Variants in KCNQ5 observed in about 807,000 individuals in gnomAD.
KCNQ5 encodes the protein potassium voltage-gated channel subfamily KQT member 5.
A neutral mutation model predicts 98.2 loss-of-function variants in KCNQ5; 30 were observed. The ratio of observed to expected loss-of-function variants is 0.31; its 90% confidence interval spans 0.23 to 0.41. KCNQ5 has a LOEUF of 0.41. KCNQ5 is among the 10% of genes least tolerant of loss of function. The pLI, the probability that KCNQ5 is intolerant of heterozygous loss-of-function variation, is 1.00. For synonymous variants in KCNQ5, 458 were observed against 449.4 expected, an observed-to-expected ratio of 1.02 and a Z score of -0.24; for missense variants, 835 against 1,182.5, an observed-to-expected ratio of 0.71 and a Z score of 4.31.
intron 1 of KCNQ5, among the ~76,000 whole-genome samples, chr6:72,856,482 A>ACACG (rs1330041978): frequency 7.9e-5 from 12 of 151,516 alleles, no homozygotes; most frequent in Non-Finnish European, 1.2e-4. Flanking sequence ...ACACACACAC[A>ACACG]CACACACACA....
intron 1 of KCNQ5, among the ~76,000 whole-genome samples, chr6:72,969,825 T>C (rs1395420343): frequency 6.6e-6 from 1 of 152,182 alleles, no homozygotes; most frequent in African/African-American, 2.4e-5. Flanking sequence ...TCTGGGAGTA[T>C]CTAAACACTC....
At chr6:72,680,718 C>T (rs1565076308) in intron 1 of KCNQ5, among the ~76,000 whole-genome samples, 1 of 152,186 alleles carries the variant, frequency 6.6e-6, no homozygotes. Context: ...TTGTCTAGAA[C>T]TCCCCCCAAA....
rs146306539 is a variant in KCNQ5, at chr6:72,916,648, G to A, written c.399-87260G>A. 3.1e-4 allele frequency among the ~76,000 whole-genome samples: 47 copies of A among 152,300 alleles called. 2 individuals are homozygous for A. The East Asian group carries it at 4.1e-3, about 13-fold the overall frequency. On this transcript the variant is annotated intron_variant, in intron 1 of 13. Transcript: ENST00000370398. ...TGAAAGGGAGAACATTTTTCCTATT[G>A]TCAGTTCCACGGGGGTAGAATTGAA...
At chr6:72,864,313 C>G (rs1474559092) in intron 1 of KCNQ5, among the ~76,000 whole-genome samples, 1 of 152,096 alleles carries the variant, frequency 6.6e-6, no homozygotes, top group Non-Finnish European at 1.5e-5. Flanking sequence ...GCCATTAGTA[C>G]TACTCAAGAC....
In KCNQ5 at chr6:73,042,794, A is replaced by G. The variant is rs79950222; in HGVS notation, c.616+732A>G. On this transcript the variant is annotated intron_variant, in intron 3 of 13. Coordinates refer to ENST00000370398, the MANE Select transcript of KCNQ5 (RefSeq NM_019842.4). ...AGATGCCATAGAGCATTCTGGAATT[A>G]AGATCTAGCATTTCCCAGTAATATT... 1.9e-3 allele frequency among the ~76,000 whole-genome samples: 293 copies of G among 152,320 alleles called. 2 individuals are homozygous for G. Among genetic ancestry groups the G allele is most frequent in the African/African-American group, 6.3e-3 (263 of 41,580 alleles).
At chr6:72,715,747 A>G (rs965462431) in intron 1 of KCNQ5, among the ~76,000 whole-genome samples, 3 of 152,196 alleles carry the variant, frequency 2.0e-5, no homozygotes, top group African/African-American at 7.2e-5. Flanking sequence ...TGGTATTTTA[A>G]TGATAATTAG....
intron 1 of KCNQ5, among the ~76,000 whole-genome samples, chr6:72,768,980 A>G (rs775154896): frequency 5.3e-5 from 8 of 152,090 alleles, no homozygotes; most frequent in Non-Finnish European, 1.2e-4. Flanking sequence ...GAAGCATTTC[A>G]TCATATGGAA....
At position 73,190,664 on chromosome 6, in the gene KCNQ5, C is replaced by T; in HGVS notation, c.1669C>T (p.His557Tyr). ...TGTCATTGAACAATATTCTGCTGGT[C>T]ATCTGGACATGTTGTGTAGAATTAA... is the stretch of plus-strand genomic sequence containing the variant. ...KDVIEQYSAGHLDMLCRIKSL... is the reference protein window; with the variant it reads ...KDVIEQYSAGYLDMLCRIKSL... Residue 557 changes from histidine (H) to tyrosine (Y), a missense_variant, in exon 12 of 14, where the codon CAT becomes TAT. His to Tyr is a moderately conservative substitution (Grantham distance 83). Around this residue, in one of 10 missense-constraint regions of KCNQ5, gnomAD observed 146 missense variants for 256.7 expected, o/e 0.57. Coordinates refer to ENST00000370398, the MANE Select transcript of KCNQ5 (RefSeq NM_019842.4). 6.3e-7 allele frequency: 1 copy of T among 1,596,896 alleles called. No homozygotes were observed. The highest frequency in any genetic ancestry group is 2.2e-5 in the East Asian group (1 of 44,490).
intron 1 of KCNQ5, among the ~76,000 whole-genome samples, chr6:72,864,831 T>C (rs936139749): frequency 6.6e-6 from 1 of 152,196 alleles, no homozygotes; most frequent in African/African-American, 2.4e-5. Flanking sequence ...TTTTGAATAA[T>C]AAAATTTTAG....
At chr6:73,144,393 C>T (rs1457401334) in intron 10 of KCNQ5, among the ~76,000 whole-genome samples, 2 of 152,190 alleles carry the variant, frequency 1.3e-5, no homozygotes, top group African/African-American at 4.8e-5. Flanking sequence ...AAATTAATCT[C>T]TCTACCTCCA....
In KCNQ5 at chr6:73,160,461, A is replaced by G. The variant is rs560604453; in HGVS notation, c.1469-9285A>G. 3.3e-5 allele frequency among the ~76,000 whole-genome samples: 5 copies of G among 152,382 alleles called. No homozygotes were observed. The South Asian group carries it at 1.0e-3, about 32-fold the overall frequency. On this transcript the variant is annotated intron_variant, in intron 10 of 13. Coordinates refer to ENST00000370398, the MANE Select transcript of KCNQ5 (RefSeq NM_019842.4). ...GTTTTTTGATGGCTGCGAGTAGAAGACAATGACTGGAATTCAGCAGGCTGA... is the reference window on the plus strand; with the variant it reads ...GTTTTTTGATGGCTGCGAGTAGAAGGCAATGACTGGAATTCAGCAGGCTGA...
chr6:73,094,885 G>A (rs1050556663), intron 5 of KCNQ5, among the ~76,000 whole-genome samples: 3 of 152,146 alleles, frequency 2.0e-5, no homozygotes, highest in Admixed American at 6.5e-5. Flanking sequence ...TAGATTACCT[G>A]ATGACAATGT....
At chr6:72,739,269 A>G (rs947779278) in intron 1 of KCNQ5, among the ~76,000 whole-genome samples, 5 of 152,226 alleles carry the variant, frequency 3.3e-5, no homozygotes, top group African/African-American at 1.2e-4. Flanking sequence ...TGAGAATTGC[A>G]AAAAGGATAT....
intron 1 of KCNQ5, among the ~76,000 whole-genome samples, chr6:72,783,101 G>A (rs1582280718): frequency 6.6e-6 from 1 of 152,170 alleles, no homozygotes; most frequent in Admixed American, 6.5e-5. Flanking sequence ...AAGGAAAGAG[G>A]CATTCAGAGG....
intron 1 of KCNQ5, among the ~76,000 whole-genome samples, chr6:72,904,272 C>T (rs764135723): frequency 6.6e-6 from 1 of 152,110 alleles, no homozygotes; most frequent in Non-Finnish European, 1.5e-5. Context: ...GTCTTAAAGG[C>T]AGCAGATAGT....
Position 73,087,071 on chromosome 6 carries a change from T to C in KCNQ5, c.918+9184T>C, listed in dbSNP as rs1240190214. ...TTAATTAGTAGCTTAGAATTTATTT[T>C]GAATTCAACAGCTAGCCATTGAAGG... On this transcript the variant is annotated intron_variant, in intron 5 of 13. Coordinates refer to ENST00000370398, the MANE Select transcript of KCNQ5 (RefSeq NM_019842.4). 7.2e-5 allele frequency among the ~76,000 whole-genome samples: 11 copies of C among 152,304 alleles called. No individual in the cohort carries two copies. The South Asian group carries it at 1.0e-3, about 14-fold the overall frequency.
intron 1 of KCNQ5, among the ~76,000 whole-genome samples, chr6:72,972,060 G>A (rs9360623): frequency 0.88 from 133,607 of 152,146 alleles, 59,027 homozygotes; most frequent in Non-Finnish European, 0.93. Context: ...CAGGGACAAT[G>A]TCTTGTTATG....
chr6:72,681,391 A>G (rs2154473820), intron 1 of KCNQ5, among the ~76,000 whole-genome samples: 1 of 152,310 alleles, frequency 6.6e-6, no homozygotes, highest in African/African-American at 2.4e-5. Flanking sequence ...ACCCTCCTGG[A>G]TAAGTTTTAT....
intron 1 of KCNQ5, among the ~76,000 whole-genome samples, chr6:72,808,393 T>A (rs1396339902): frequency 6.6e-6 from 1 of 152,094 alleles, no homozygotes; most frequent in Non-Finnish European, 1.5e-5. Flanking sequence ...AGTGTCTACA[T>A]CAACCAAACC....
Sources: allele counts gnomAD v4.1 joint callset (sites outside exome capture counted in the v4.1 genomes callset), GRCh38; gene constraint gnomAD v4.1.1; regional missense constraint gnomAD v4.1.1; transcripts MANE v1.5; gene names NCBI Gene and HGNC (gene_info 2026-07-23, HGNC 2026-07-21).